SUZ12: variants seen among roughly 807,000 people sequenced by gnomAD.
The protein encoded by SUZ12 is polycomb protein SUZ12.
In SUZ12, 17 loss-of-function variants were observed where a neutral mutation model predicts 87.3. The ratio of observed to expected loss-of-function variants is 0.19; its 90% CI spans 0.13 to 0.29. SUZ12 has a LOEUF of 0.29. Among genes scored for constraint, SUZ12 ranks in the 10% least tolerant of loss-of-function variants. SUZ12 has a pLI of 1.00. For missense variants in SUZ12, 526 were observed against 912.2 expected, an observed-to-expected ratio of 0.58 and a Z score of 5.45; for synonymous variants, 253 against 312.4, an observed-to-expected ratio of 0.81 and a Z score of 2.01.
In SUZ12 at chr17:31,958,084, T is replaced by C. The variant is rs576498644; in HGVS notation, c.456-8063T>C. On this transcript the variant is annotated intron_variant, in intron 4 of 15. Transcript: ENST00000322652. ...CGCCCGGCTAATTTTTTTGTATTTT[T>C]AGTAGAGATGGGGTTTCACCGTGTT... 2.9e-3 allele frequency among the ~76,000 whole-genome samples: 441 copies of C among 151,668 alleles called. 1 individual carries two copies. Among genetic ancestry groups the C allele is most frequent in the Non-Finnish European group, 5.2e-3 (351 of 67,902 alleles).
intron 8 of SUZ12, among the ~76,000 whole-genome samples, chr17:31,978,293 C>T (rs1218023826): frequency 1.3e-5 from 2 of 152,188 alleles, no homozygotes; most frequent in Non-Finnish European, 2.9e-5. Context: ...ACTGCAACCT[C>T]TGCCTCCTGG....
chr17:31,941,748 T>A, intron 3 of SUZ12, among the ~76,000 whole-genome samples: 1 of 150,512 alleles, frequency 6.6e-6, no homozygotes, highest in African/African-American at 2.5e-5. Context: ...ATGGGGTTTC[T>A]CTGTGTTAGC....
At chr17:31,947,853 C>T (rs1906724155) in intron 4 of SUZ12, among the ~76,000 whole-genome samples, 168 bp downstream of exon 4, 1 of 152,102 alleles carries the variant, frequency 6.6e-6, no homozygotes, top group Admixed American at 6.6e-5. Context: ...TGTAGCATTC[C>T]TGGCAGAGAA....
intron 3 of SUZ12, among the ~76,000 whole-genome samples, chr17:31,944,158 C>T (rs1484186888): frequency 3.3e-5 from 5 of 151,722 alleles, no homozygotes; most frequent in African/African-American, 7.3e-5. Flanking sequence ...GATGGAGTTT[C>T]GCTCTTGTTG....
At chr17:31,965,519 C>T (rs1462183343) in intron 4 of SUZ12, among the ~76,000 whole-genome samples, 1 of 152,098 alleles carries the variant, frequency 6.6e-6, no homozygotes. Flanking sequence ...CTAAAACTAA[C>T]AGTGAAAATG....
chr17:31,958,498 T>C (rs1210056585), intron 4 of SUZ12, among the ~76,000 whole-genome samples: 1 of 150,234 alleles, frequency 6.7e-6, no homozygotes, highest in Non-Finnish European at 1.5e-5. Flanking sequence ...TCACTTGAGG[T>C]GAAGAGTTCA....
chr17:31,969,496 T>C (rs1343335411), intron 5 of SUZ12, among the ~76,000 whole-genome samples: 1 of 151,970 alleles, frequency 6.6e-6, no homozygotes, highest in Non-Finnish European at 1.5e-5. Context: ...CATTTCACCA[T>C]GTTTGCCAGT....
At chr17:31,957,121 G>T (rs1300153875) in intron 4 of SUZ12, among the ~76,000 whole-genome samples, 2 of 152,128 alleles carry the variant, frequency 1.3e-5, no homozygotes, top group Non-Finnish European at 2.9e-5. Flanking sequence ...TTGCTCCATT[G>T]CCCGGGCTGG....
chr17:31,985,973 G>A (rs1478012529), intron 9 of SUZ12, among the ~76,000 whole-genome samples: 1 of 149,738 alleles, frequency 6.7e-6, no homozygotes, highest in Non-Finnish European at 1.5e-5. Flanking sequence ...GCCTTTTTTT[G>A]TTTGTTTCTG....
At chr17:31,989,174 C>G (rs1026150770) in intron 10 of SUZ12, among the ~76,000 whole-genome samples, 3 of 152,050 alleles carry the variant, frequency 2.0e-5, no homozygotes, top group African/African-American at 4.8e-5. Context: ...CTGCCCGCCT[C>G]AGTCTCTCAA....
In SUZ12 at chr17:31,937,337, G is replaced by C; in HGVS notation, c.91G>C (p.Val31Leu). The part of the protein sequence containing the change: ...GGGGFGGSAA[V>L]AAATASGGKS... ...AGGCGGCTTCGGGGGTTCGGCGGCG[G>C]TGGCGGCGGCGACGGCTTCGGGCGG... is the stretch of plus-strand genomic sequence containing the variant. Residue 31 changes from valine (V) to leucine (L), a missense_variant, in exon 1 of 16, where the codon GTG becomes CTG. Val to Leu is a conservative substitution (Grantham distance 32). Transcript: ENST00000322652. 6.8e-7 allele frequency: 1 copy of C among 1,475,690 alleles called. No individual in the cohort carries two copies. The highest frequency in any genetic ancestry group is 8.9e-7 in the Non-Finnish European group (1 of 1,118,650). The allele number at this position is 1,475,690 out of a possible 1,614,324, so 91.4% of individuals were successfully genotyped here.
rs775524201 is a variant in SUZ12, at chr17:31,993,857, GT to G, written c.1294-3del. The G allele has an allele frequency of 1.2e-5, 19 of 1,551,404 alleles. No homozygotes were observed. Among genetic ancestry groups the G allele is most frequent in the Non-Finnish European group, 1.6e-5 (18 of 1,152,708 alleles). ...GGAGATTTGCTTTTTTTTTTTAATT[GT>G]TTTTAGTTTCTCTATAACAACAATA... is the stretch of plus-strand genomic sequence containing the variant. On this transcript the variant is annotated splice_region_variant and splice_polypyrimidine_tract_variant and intron_variant, in intron 11 of 15. Coordinates refer to ENST00000322652, the MANE Select transcript of SUZ12 (RefSeq NM_015355.4).
intron 6 of SUZ12, among the ~76,000 whole-genome samples, chr17:31,974,572 A>G (rs565865748): frequency 5.3e-5 from 8 of 152,208 alleles, no homozygotes; most frequent in South Asian, 2.1e-4. Flanking sequence ...TCCAAGATAC[A>G]TTACTTAGAA....
chr17:31,996,021 C>G (rs1208442208), intron 14 of SUZ12, among the ~76,000 whole-genome samples: 1 of 152,094 alleles, frequency 6.6e-6, no homozygotes, highest in Admixed American at 6.5e-5. Context: ...CCAGTCTGGA[C>G]AGCATGGTGA....
rs533036563 is a variant in SUZ12 at position 31,991,823 on chromosome 17, C to T, written c.1202-1419C>T. The stretch of plus-strand genomic sequence containing the variant: ...CCATGTTAGGCAGGCTGGTCTCAAA[C>T]TTCTGACCTCAGGCAGTCTGCCCAC... On this transcript the variant is annotated intron_variant, in intron 10 of 15. Transcript: ENST00000322652. Among the ~76,000 whole-genome samples the T allele has an allele frequency of 2.0e-5, 3 of 152,080 alleles. 1 individual carries two copies. The highest frequency in any genetic ancestry group is 7.2e-5 in the African/African-American group (3 of 41,512).
chr17:31,972,304 T>C (rs1043909694), intron 5 of SUZ12, among the ~76,000 whole-genome samples: 6 of 151,342 alleles, frequency 4.0e-5, no homozygotes, highest in African/African-American at 1.5e-4. Flanking sequence ...TTAGGAAATA[T>C]ATATATGTGT....
At position 31,993,340 on chromosome 17, in the gene SUZ12, A is replaced by G. The variant is rs747506941; in HGVS notation, c.1293+7A>G. On this transcript the variant is annotated splice_region_variant and intron_variant, in intron 11 of 15. Coordinates refer to ENST00000322652, the MANE Select transcript of SUZ12 (RefSeq NM_015355.4). Reference sequence around the variant, plus strand: ...ATTAAGAATATTTTATCAGGTAAACATAGCTGACCCTTCTTAAAGTAATTA... The same window carrying G: ...ATTAAGAATATTTTATCAGGTAAACGTAGCTGACCCTTCTTAAAGTAATTA... The G allele has an allele frequency of 2.0e-6, 3 of 1,486,910 alleles. No homozygotes were observed. Among genetic ancestry groups the G allele is most frequent in the Non-Finnish European group, 2.8e-6 (3 of 1,087,838 alleles). The allele number at this position is 1,486,910 out of a possible 1,614,324, so 92.1% of individuals were successfully genotyped here. A position where few individuals can be genotyped will look rare whatever the true frequency, so the allele number is the denominator to read the frequency against.
intron 14 of SUZ12, among the ~76,000 whole-genome samples, chr17:31,996,525 A>G (rs1909985998): frequency 6.6e-6 from 1 of 152,176 alleles, no homozygotes. Flanking sequence ...AGGCTGAGAC[A>G]GGAGAATTGC....
chr17:31,957,996 G>A (rs577789296), intron 4 of SUZ12, among the ~76,000 whole-genome samples: 63 of 143,718 alleles, frequency 4.4e-4, no homozygotes, highest in Non-Finnish European at 7.1e-4. Flanking sequence ...TCTGCCTCCC[G>A]GGTTCATGCC....
Sources: gnomAD v4.1 joint callset for allele counts (sites outside exome capture counted in the v4.1 genomes callset) on GRCh38, gnomAD v4.1.1 for gene constraint, MANE v1.5 for transcripts, NCBI Gene and HGNC (gene_info 2026-07-23, HGNC 2026-07-21) for gene names.